CNTN5: variants seen among roughly 807,000 people sequenced by gnomAD.
CNTN5 encodes contactin 5.
Under a neutral mutation model 129.1 loss-of-function variants are expected in CNTN5, and 77 were observed. That is an observed-to-expected ratio of 0.60 (90% CI 0.50 to 0.72). The LOEUF (loss-of-function observed/expected upper bound fraction) is 0.72. Ranked by LOEUF, CNTN5 falls within the 30% of genes least tolerant of loss-of-function variation. The pLI is 0.00. For missense variants in CNTN5, 1,478 were observed against 1,328.8 expected (o/e 1.11, Z -1.75); for synonymous variants, 509 against 465.6 (o/e 1.09, Z -1.20).
intron 2 of CNTN5, among the ~76,000 whole-genome samples, chr11:99,541,997 A>ATT (rs1319566683): frequency 4.8e-4 from 73 of 150,862 alleles, no homozygotes; most frequent in African/African-American, 1.7e-3. Flanking sequence ...AAAGAAAGAA[A>ATT]TGTGGGGACA....
At chr11:100,022,766 T>C (rs1941227939) in intron 9 of CNTN5, among the ~76,000 whole-genome samples, 1 of 152,200 alleles carries the variant, frequency 6.6e-6, no homozygotes, top group East Asian at 1.9e-4. Flanking sequence ...ATTTCACTTT[T>C]GTTTTTAAAA....
chr11:99,030,735 A>C (rs1323917077), intron 1 of CNTN5, among the ~76,000 whole-genome samples: 1 of 150,164 alleles, frequency 6.7e-6, no homozygotes, highest in African/African-American at 2.4e-5. Flanking sequence ...AAGTGATCTT[A>C]TGAAACAGAC....
At chr11:100,252,614 G>A (rs1235359619) in intron 16 of CNTN5, among the ~76,000 whole-genome samples, 1 of 152,032 alleles carries the variant, frequency 6.6e-6, no homozygotes, top group African/African-American at 2.4e-5. Flanking sequence ...GAGAAGTCTA[G>A]TTTCATTCAT....
At chr11:99,957,433 G>C (rs72992894) in intron 8 of CNTN5, among the ~76,000 whole-genome samples, 112 of 152,258 alleles carry the variant, frequency 7.4e-4, no homozygotes, top group Non-Finnish European at 1.4e-3. Flanking sequence ...TCATGGTATA[G>C]TTATAATTGT....
chr11:99,143,083 A>G (rs7947570), intron 1 of CNTN5, among the ~76,000 whole-genome samples: 138,168 of 151,852 alleles, frequency 0.91, 63,134 homozygotes, highest in East Asian at 0.99. Flanking sequence ...TCTCTCAGTG[A>G]GAGTTCCTTC....
intron 6 of CNTN5, among the ~76,000 whole-genome samples, chr11:99,859,505 C>A (rs1228351673): frequency 6.6e-6 from 1 of 152,148 alleles, no homozygotes; most frequent in Admixed American, 6.6e-5. Flanking sequence ...AGCCTTCCCC[C>A]CAACCCCACT....
intron 1 of CNTN5, among the ~76,000 whole-genome samples, chr11:99,030,761 G>T (rs1863333377): frequency 6.6e-6 from 1 of 150,534 alleles, no homozygotes; most frequent in Admixed American, 6.7e-5. Flanking sequence ...CTATAAATGT[G>T]GCGTCTAATG....
At chr11:100,255,665 T>G (rs1950050304) in intron 16 of CNTN5, 95 bp from the exon 17 acceptor site, 1 of 1,052,720 alleles carries the variant, frequency 9.5e-7, no homozygotes, top group African/African-American at 1.6e-5. Flanking sequence ...TTAAGGTGAT[T>G]ACATAGTTGG....
At chr11:99,934,898 G>GTGTGTGTGTGTA (rs1565693917) in intron 7 of CNTN5, among the ~76,000 whole-genome samples, 1 of 67,954 alleles carries the variant, frequency 1.5e-5, no homozygotes, top group African/African-American at 1.0e-4. Flanking sequence ...GTGTGTGTGT[G>GTGTGTGTGTGTA]TATATATATA....
At chr11:99,121,782 G>A (rs1858345806) in intron 1 of CNTN5, among the ~76,000 whole-genome samples, 1 of 152,030 alleles carries the variant, frequency 6.6e-6, no homozygotes, top group Non-Finnish European at 1.5e-5. Context: ...TATTTCATTT[G>A]AGACACCAAG....
At chr11:99,724,942 A>G (rs1214002787) in intron 3 of CNTN5, among the ~76,000 whole-genome samples, 1 of 152,236 alleles carries the variant, frequency 6.6e-6, no homozygotes, top group Non-Finnish European at 1.5e-5. Context: ...TACATTTCAC[A>G]TCACAAGATA....
intron 13 of CNTN5, among the ~76,000 whole-genome samples, chr11:100,076,514 G>T (rs1324331073): frequency 6.6e-6 from 1 of 151,974 alleles, no homozygotes; most frequent in Non-Finnish European, 1.5e-5. Context: ...AATACAGTTT[G>T]TGAATTTTTC....
intron 1 of CNTN5, among the ~76,000 whole-genome samples, chr11:99,150,529 A>C (rs1591278956): frequency 6.6e-6 from 1 of 152,124 alleles, no homozygotes; most frequent in African/African-American, 2.4e-5. Flanking sequence ...CCTTTTCCTT[A>C]AAATTGTGAT....
rs115410275 is a variant in CNTN5 at position 100,298,877 on chromosome 11, T to C, written c.2386-285T>C. On this transcript the variant is annotated intron_variant, in intron 19 of 24. Transcript: ENST00000524871. ...TTAATCCAAAGATCTTCATTTCATATACATGACTAATTGGAGCAAATTTGT... is the reference window on the plus strand; with the variant it reads ...TTAATCCAAAGATCTTCATTTCATACACATGACTAATTGGAGCAAATTTGT... Among the ~76,000 whole-genome samples the C allele has an allele frequency of 6.6e-3, 996 of 151,568 alleles. 15 individuals are homozygous for C. Among genetic ancestry groups the C allele is most frequent in the African/African-American group, 0.022 (930 of 41,452 alleles).
intron 1 of CNTN5, among the ~76,000 whole-genome samples, chr11:99,116,744 T>A (rs1858063968): frequency 6.6e-6 from 1 of 152,192 alleles, no homozygotes; most frequent in Admixed American, 6.5e-5. Context: ...TAGATGGCAA[T>A]GCCATTTATT....
chr11:99,806,197 A>G (rs1195957649), intron 3 of CNTN5, among the ~76,000 whole-genome samples: 1 of 152,138 alleles, frequency 6.6e-6, no homozygotes, highest in East Asian at 1.9e-4. Context: ...ATGACAAACT[A>G]ATCTTCTTAA....
chr11:99,358,617 C>T (rs1938881450), intron 2 of CNTN5, among the ~76,000 whole-genome samples: 1 of 151,764 alleles, frequency 6.6e-6, no homozygotes, highest in Non-Finnish European at 1.5e-5. Context: ...GAGTTTCAGG[C>T]CAACATTAAC....
chr11:99,755,327 T>G (rs777596336), intron 3 of CNTN5, among the ~76,000 whole-genome samples: 1 of 152,152 alleles, frequency 6.6e-6, no homozygotes, highest in Non-Finnish European at 1.5e-5. Flanking sequence ...CTGTACCATT[T>G]TGCACTCCTG....
intron 6 of CNTN5, among the ~76,000 whole-genome samples, chr11:99,911,681 G>A (rs1949663024): frequency 6.6e-6 from 1 of 151,116 alleles, no homozygotes; most frequent in Admixed American, 6.6e-5. Context: ...TTTTTCAGGT[G>A]TTTGTGTGTG....
Sources: gnomAD v4.1 joint callset for allele counts (sites outside exome capture counted in the v4.1 genomes callset) on GRCh38, gnomAD v4.1.1 for gene constraint, MANE v1.5 for transcripts, NCBI Gene and HGNC (gene_info 2026-07-23, HGNC 2026-07-21) for gene names.